The following PCDHA3 variants were observed in gnomAD, a reference collection of about 807,000 sequenced individuals.
PCDHA3 encodes protocadherin alpha 3.
In PCDHA3, 41 loss-of-function variants were observed where a neutral mutation model predicts 62.2. The observed-to-expected ratio is 0.66, with a 90% CI of 0.51 to 0.86. PCDHA3 has a LOEUF of 0.86. Among genes scored for constraint, PCDHA3 ranks in the 40% least tolerant of loss-of-function variants. The probability of loss-of-function intolerance (pLI) is 0.00; values close to 1 mark genes in which losing one functional copy is unlikely to be tolerated. For missense variants in PCDHA3, 1,304 were observed against 1,241.2 expected, an observed-to-expected ratio of 1.05 and a Z score of -0.76; for synonymous variants, 640 against 555.4, an observed-to-expected ratio of 1.15 and a Z score of -2.14.
At position 140,803,247 on chromosome 5, in the gene PCDHA3, G is replaced by A. The variant is rs782577100; in HGVS notation, c.2050G>A (p.Ala684Thr). 1.2e-6 allele frequency: 2 copies of A among 1,613,830 alleles called. No homozygotes were observed. The change falls in exon 1 of 4, where the codon GCT becomes ACT. Residue 684 changes from alanine to threonine, a missense_variant. Ala to Thr is a moderately conservative substitution (Grantham distance 58, BLOSUM62 0). Coordinates refer to ENST00000522353, the MANE Select transcript of PCDHA3 (RefSeq NM_018906.3). ...ACCCAAGGCCTCGTCCCAGGCGTCCGCTGGCGCCACGGGCCCGGAAGCTGC... is the reference window on the plus strand; with the variant it reads ...ACCCAAGGCCTCGTCCCAGGCGTCCACTGGCGCCACGGGCCCGGAAGCTGC... Reference protein sequence around the residue: ...QAPKASSQASAGATGPEAALV... With the variant: ...QAPKASSQASTGATGPEAALV...
intron 1 of PCDHA3, chr5:140,881,443 G>A: frequency 1.2e-6 from 1 of 818,722 alleles, no homozygotes; most frequent in Non-Finnish European, 1.5e-6. Context: ...TATAAAAACA[G>A]AATCCAAAAC....
rs2150360116 is a variant in PCDHA3 at position 140,843,442 on chromosome 5, A to G, written c.2394+39851A>G. The G allele has an allele frequency of 4.5e-5, 72 of 1,596,116 alleles. 7 individuals are homozygous for G. The highest frequency in any genetic ancestry group is 1.7e-4 in the Middle Eastern group (1 of 5,982). ...ACCTGATCATCGCCATCTGCGCGGT[A>G]TCCAGCCTGCTGGTGCTCACGCTGC... On this transcript the variant is annotated intron_variant, in intron 1 of 3. Coordinates refer to ENST00000522353, the MANE Select transcript of PCDHA3 (RefSeq NM_018906.3).
intron 1 of PCDHA3, chr5:140,823,665 C>T (rs2150128070): frequency 1.2e-6 from 2 of 1,614,048 alleles, no homozygotes; most frequent in South Asian, 1.1e-5. Context: ...CAGGCGAGAT[C>T]AGCACAACAC....
chr5:140,834,229 T>C, intron 1 of PCDHA3: 1 of 716,748 alleles, frequency 1.4e-6, no homozygotes, highest in South Asian at 2.1e-5. Flanking sequence ...CAAAAGGAAG[T>C]CATTCCTTTT....
intron 1 of PCDHA3, among the ~76,000 whole-genome samples, chr5:140,942,450 C>A (rs1017198131): frequency 6.6e-6 from 1 of 151,378 alleles, no homozygotes; most frequent in African/African-American, 2.4e-5. Flanking sequence ...AGTAAACTAT[C>A]AATTATAATA....
intron 1 of PCDHA3, among the ~76,000 whole-genome samples, chr5:140,819,327 A>G (rs1171636879): frequency 6.6e-6 from 1 of 152,180 alleles, no homozygotes; most frequent in Non-Finnish European, 1.5e-5. Flanking sequence ...TGTAAGGAAT[A>G]AAGGACATTT....
intron 1 of PCDHA3, among the ~76,000 whole-genome samples, chr5:140,893,950 T>A (rs1244558882): frequency 6.6e-6 from 1 of 152,206 alleles, no homozygotes; most frequent in Non-Finnish European, 1.5e-5. Flanking sequence ...TCTGCATGAC[T>A]TTATTAGTCA....
At chr5:140,992,019 G>C (rs1326705755) in intron 3 of PCDHA3, among the ~76,000 whole-genome samples, 2 of 50,642 alleles carry the variant, frequency 3.9e-5, no homozygotes, top group African/African-American at 6.0e-5. Context: ...AGGTGGCTCT[G>C]TGTGTGTGTG....
intron 1 of PCDHA3, among the ~76,000 whole-genome samples, chr5:140,921,037 T>C (rs2079983245): frequency 1.3e-5 from 2 of 151,986 alleles, no homozygotes; most frequent in Admixed American, 1.3e-4. Context: ...TGGGGTGCAG[T>C]GGGGCAATCA....
At chr5:140,941,214 C>CCTTTCTTTCTTCCTTTCTTT (rs2092876516) in intron 1 of PCDHA3, among the ~76,000 whole-genome samples, 18 of 122,412 alleles carry the variant, frequency 1.5e-4, no homozygotes, top group Non-Finnish European at 2.9e-4. Context: ...TTTCTTTCTT[C>CCTTTCTTTCTTCCTTTCTTT]CTTTCTTTCT....
chr5:140,875,771 C>T lies in PCDHA3; in HGVS notation c.2394+72180C>T, dbSNP rs182160950. 7,595 of 1,614,196 alleles carry T rather than the reference C, an allele frequency of 4.7e-3. 28 individuals carry two copies. Among genetic ancestry groups the T allele is most frequent in the Middle Eastern group, 6.4e-3 (39 of 6,062 alleles). ...CGCGAGAAGCTGTGCGGGCGGAGCG[C>T]GGAGTGCAGTATCCACCTGGAGGTG... On this transcript the variant is annotated intron_variant, in intron 1 of 3. Transcript: ENST00000522353.
intron 3 of PCDHA3, among the ~76,000 whole-genome samples, chr5:140,985,169 C>G (rs1169892350): frequency 6.6e-6 from 1 of 152,122 alleles, no homozygotes; most frequent in Non-Finnish European, 1.5e-5. Flanking sequence ...AATCTCCTGA[C>G]CTCGTAATCC....
chr5:140,928,792 G>A (rs1190569981), intron 1 of PCDHA3: 2 of 1,614,048 alleles, frequency 1.2e-6, no homozygotes, highest in Non-Finnish European at 1.7e-6. Context: ...TAAGCAGAGG[G>A]TGGTGGTAGT....
rs2150233452 is a variant in PCDHA3 at position 140,835,299 on chromosome 5, G to A, written c.2394+31708G>A. 44 of 1,612,788 alleles carry A rather than the reference G, an allele frequency of 2.7e-5. No homozygotes were observed. The East Asian group carries it at 6.0e-4, about 22-fold the overall frequency. On this transcript the variant is annotated intron_variant, in intron 1 of 3. Transcript: ENST00000522353. ...CTTAAGTGGGGCAATCACAGTGATA[G>A]GACATATGGATTTTGAAGAAAGTAG...
chr5:140,849,485 G>A, intron 1 of PCDHA3: 1 of 1,590,948 alleles, frequency 6.3e-7, no homozygotes, highest in African/African-American at 1.4e-5. Flanking sequence ...TCCCACCCCT[G>A]GCTGGTCATT....
At chr5:140,968,410 T>A (rs1554230678) in intron 1 of PCDHA3, 2 of 1,614,040 alleles carry the variant, frequency 1.2e-6, no homozygotes, top group Non-Finnish European at 1.7e-6. Flanking sequence ...TCTTTGTGAC[T>A]GTGGAGGCTC....
intron 1 of PCDHA3, chr5:140,862,204 A>C: frequency 5.7e-6 from 1 of 176,474 alleles, no homozygotes; most frequent in Non-Finnish European, 1.2e-5. Flanking sequence ...ATGTTTGATC[A>C]CTGCACAGAC....
chr5:140,829,701 C>A, intron 1 of PCDHA3: 1 of 1,613,356 alleles, frequency 6.2e-7, no homozygotes, highest in Non-Finnish European at 8.5e-7. Context: ...CAGGTGAGCG[C>A]GCGCGACGCG....
At chr5:140,821,810 G>A (rs1767067233) in intron 1 of PCDHA3, 2 of 1,613,712 alleles carry the variant, frequency 1.2e-6, no homozygotes, top group Non-Finnish European at 1.7e-6. Context: ...CTGGGATCCC[G>A]GCTCCTGCTG....
Sources: gnomAD v4.1 joint callset for allele counts (sites outside exome capture counted in the v4.1 genomes callset) on GRCh38, gnomAD v4.1.1 for gene constraint, MANE v1.5 for transcripts, NCBI Gene and HGNC (gene_info 2026-07-23, HGNC 2026-07-21) for gene names.